ST3GAL3: variants seen among roughly 807,000 people sequenced by gnomAD.
ST3GAL3 encodes the protein ST3 beta-galactoside alpha-2,3-sialyltransferase 3.
A neutral mutation model predicts 50.1 loss-of-function variants in ST3GAL3; 21 were observed. The ratio of observed to expected loss-of-function variants is 0.42; its 90% CI spans 0.30 to 0.60. The LOEUF (loss-of-function observed/expected upper bound fraction) is 0.60, where lower values mean the gene tolerates loss of function less well. ST3GAL3 is among the 20% of genes least tolerant of loss of function. The pLI, the probability that ST3GAL3 is intolerant of heterozygous loss-of-function variation, is 0.19. For missense variants in ST3GAL3, 353 were observed against 489.4 expected (o/e 0.72, Z 2.63); for synonymous variants, 183 against 190.0 (o/e 0.96, Z 0.30).
At chr1:43,894,864 G>A (rs1274124021) in intron 6 of ST3GAL3, among the ~76,000 whole-genome samples, 2 of 151,924 alleles carry the variant, frequency 1.3e-5, no homozygotes, top group African/African-American at 4.8e-5. Flanking sequence ...CAAACTCCTG[G>A]ACTCAAGTGA....
chr1:43,834,460 G>A (rs2063986338), intron 4 of ST3GAL3, among the ~76,000 whole-genome samples: 1 of 152,190 alleles, frequency 6.6e-6, no homozygotes, highest in African/African-American at 2.4e-5. Context: ...TGTTGAGGTT[G>A]GTGGTGACCT....
chr1:43,898,640 G>A (rs1220373418), intron 7 of ST3GAL3, among the ~76,000 whole-genome samples: 1 of 152,196 alleles, frequency 6.6e-6, no homozygotes, highest in African/African-American at 2.4e-5. Flanking sequence ...CCAGAAGGCA[G>A]TGACAGCTCC....
At chr1:43,752,239 C>G (rs955439400) in intron 2 of ST3GAL3, among the ~76,000 whole-genome samples, 4 of 152,146 alleles carry the variant, frequency 2.6e-5, no homozygotes, top group Non-Finnish European at 5.9e-5. Flanking sequence ...ACAGGTAAGG[C>G]TAATGAGGCT....
At chr1:43,716,088 G>A (rs963338236) in intron 1 of ST3GAL3, among the ~76,000 whole-genome samples, 3 of 152,142 alleles carry the variant, frequency 2.0e-5, no homozygotes, top group Admixed American at 6.5e-5. Context: ...CATTAAAAAC[G>A]TCTATTTTCA....
At position 43,838,330 on chromosome 1, in the gene ST3GAL3, C is replaced by T. The variant is rs2064781323; in HGVS notation, c.302+19C>T. The T allele has an allele frequency of 3.1e-6, 5 of 1,608,482 alleles. No homozygotes were observed. The Admixed American group carries it at 5.0e-5, about 16-fold the overall frequency. Reference sequence around the variant, plus strand: ...TCCCCCGGTAAGTGCTCCTGTTTCCCTCCACTGCCTAGACAGCCTGGTCTG... The same window carrying T: ...TCCCCCGGTAAGTGCTCCTGTTTCCTTCCACTGCCTAGACAGCCTGGTCTG... On this transcript the variant is annotated intron_variant, in intron 5 of 11. Transcript: ENST00000347631.
At chr1:43,738,193 A>G (rs1398120848) in intron 2 of ST3GAL3, 2 of 152,128 alleles carry the variant, frequency 1.3e-5, no homozygotes, top group Admixed American at 6.6e-5. Context: ...AAAGAGAGAA[A>G]GTTATCAAAA....
intron 3 of ST3GAL3, among the ~76,000 whole-genome samples, chr1:43,809,955 T>C (rs1253940896): frequency 2.1e-5 from 3 of 141,796 alleles, no homozygotes; most frequent in Non-Finnish European, 4.5e-5. Flanking sequence ...ATTGCACCAC[T>C]GTACTCCAAC....
chr1:43,902,974 GAGGA>G, intron 9 of ST3GAL3, among the ~76,000 whole-genome samples: 1 of 152,220 alleles, frequency 6.6e-6, no homozygotes, highest in East Asian at 1.9e-4. Context: ...CTGCTATGAT[GAGGA>G]AGGCCTAATG....
intron 11 of ST3GAL3, among the ~76,000 whole-genome samples, chr1:43,924,012 G>T (rs573283031): frequency 6.6e-6 from 1 of 152,198 alleles, no homozygotes; most frequent in African/African-American, 2.4e-5. Flanking sequence ...CCATTACATT[G>T]GGGGTTAGGT....
intron 1 of ST3GAL3, chr1:43,727,373 CTG>C (rs567852205): frequency 2.7e-4 from 41 of 151,966 alleles, no homozygotes; most frequent in African/African-American, 8.9e-4. Flanking sequence ...AATTTCAGCC[CTG>C]GAAGGAGAAA....
In ST3GAL3 at chr1:43,905,127, C is replaced by T. The variant is rs567305957; in HGVS notation, c.744+5400C>T. On this transcript the variant is annotated intron_variant, in intron 9 of 11. Coordinates refer to ENST00000347631, the MANE Select transcript of ST3GAL3 (RefSeq NM_006279.5). ...CTTCATCCTCTTCCTGCCACTCTTC[C>T]TCCTCCTCCTCCTGCTCCTCTTCCC... is the stretch of plus-strand genomic sequence containing the variant. Among the ~76,000 whole-genome samples the T allele has an allele frequency of 4.0e-4, 54 of 134,280 alleles. 1 individual carries two copies. The highest frequency in any genetic ancestry group is 1.5e-3 in the African/African-American group (51 of 34,916). 88.1% of individuals were successfully genotyped at this position (134,280 alleles called of 152,430 possible).
chr1:43,762,631 C>T (rs779919843), intron 2 of ST3GAL3, among the ~76,000 whole-genome samples: 7 of 152,014 alleles, frequency 4.6e-5, no homozygotes, highest in Non-Finnish European at 7.4e-5. Context: ...AACAAGAGGA[C>T]GGGGAAGTTG....
chr1:43,807,485 G>C (rs1292853726), intron 3 of ST3GAL3, among the ~76,000 whole-genome samples: 3 of 151,678 alleles, frequency 2.0e-5, no homozygotes, highest in Non-Finnish European at 4.4e-5. Context: ...AGGTCTTGGG[G>C]GATCTTGTAG....
intron 1 of ST3GAL3, among the ~76,000 whole-genome samples, chr1:43,733,592 C>T (rs1187151230): frequency 6.6e-6 from 1 of 152,320 alleles, no homozygotes; most frequent in Middle Eastern, 3.4e-3. Context: ...CAGTACCTAT[C>T]TACCTTAGTA....
intron 2 of ST3GAL3, among the ~76,000 whole-genome samples, chr1:43,782,667 T>C (rs1232456644): frequency 6.6e-6 from 1 of 152,210 alleles, no homozygotes; most frequent in Non-Finnish European, 1.5e-5. Flanking sequence ...AACAGCAGCA[T>C]GTATTGAGGA....
rs11210919 is a variant in ST3GAL3, at chr1:43,776,200, G to A, written c.119-15902G>A. Among the ~76,000 whole-genome samples the A allele has an allele frequency of 8.0e-3, 1,216 of 152,138 alleles. 43 individuals carry two copies. Among genetic ancestry groups the A allele is most frequent in the Admixed American group, 0.057 (870 of 15,274 alleles). ...AAAAGAAATCCTGCAGCCATTTGCCGTCAGGGCCCATTTTCCCTCAGTCAC... is the reference window on the plus strand; with the variant it reads ...AAAAGAAATCCTGCAGCCATTTGCCATCAGGGCCCATTTTCCCTCAGTCAC... On this transcript the variant is annotated intron_variant, in intron 2 of 11. Coordinates refer to ENST00000347631, the MANE Select transcript of ST3GAL3 (RefSeq NM_006279.5).
At chr1:43,719,664 C>CA (rs370141928) in intron 1 of ST3GAL3, among the ~76,000 whole-genome samples, 6,353 of 135,110 alleles carry the variant, frequency 0.047, 432 homozygotes, top group African/African-American at 0.16. Flanking sequence ...AACTCTGTCT[C>CA]AAAAAAAAAA....
At chr1:43,801,130 C>CG (rs2059268455) in intron 3 of ST3GAL3, among the ~76,000 whole-genome samples, 1 of 152,148 alleles carries the variant, frequency 6.6e-6, no homozygotes, top group Non-Finnish European at 1.5e-5. Context: ...ATTCGAAGCA[C>CG]GGCAATTTCT....
chr1:43,850,926 C>T (rs2067172375), intron 5 of ST3GAL3: 2 of 1,134,080 alleles, frequency 1.8e-6, no homozygotes. Context: ...GGGATCCATA[C>T]TTTGCCCTCC....
Sources: gnomAD v4.1 joint callset for allele counts (sites outside exome capture counted in the v4.1 genomes callset) on GRCh38, gnomAD v4.1.1 for gene constraint, MANE v1.5 for transcripts, NCBI Gene and HGNC (gene_info 2026-07-23, HGNC 2026-07-21) for gene names.